Variants in FLVCR2 observed in about 807,000 individuals in gnomAD.
FLVCR2 encodes the protein FLVCR choline and putative heme transporter 2, also known as choline/ethanolamine transporter FLVCR2.
In FLVCR2, 38 loss-of-function variants were observed where a neutral mutation model predicts 48.9. The observed-to-expected ratio is 0.78, with a 90% CI of 0.60 to 1.02. The LOEUF is 1.02. Ranked by LOEUF, FLVCR2 falls within the 50% of genes least tolerant of loss-of-function variation. The pLI, the probability that FLVCR2 is intolerant of heterozygous loss-of-function variation, is 0.00. For synonymous variants in FLVCR2, 255 were observed against 257.0 expected, an observed-to-expected ratio of 0.99 and a Z score of 0.07; for missense variants, 664 against 663.3, an observed-to-expected ratio of 1.00 and a Z score of -0.01.
At chr14:75,616,830 T>A (rs1299342465) in intron 1 of FLVCR2, among the ~76,000 whole-genome samples, 1 of 152,210 alleles carries the variant, frequency 6.6e-6, no homozygotes, top group East Asian at 1.9e-4. Flanking sequence ...ATAAGCTGCC[T>A]GGGACCCAGC....
In FLVCR2 at chr14:75,626,892, T is replaced by C. The variant is rs558237565; in HGVS notation, c.952+2140T>C. The stretch of plus-strand genomic sequence containing the variant: ...AGGATATTTGAGGCCTACCTGGGAT[T>C]CTAGGGCAGATGAGTGCTTCATAAA... On this transcript the variant is annotated intron_variant, in intron 3 of 9. Transcript: ENST00000238667. 2.0e-5 allele frequency among the ~76,000 whole-genome samples: 3 copies of C among 152,050 alleles called. No homozygotes were observed. In the East Asian group the frequency reaches 5.8e-4, roughly 29 times the overall value.
intron 1 of FLVCR2, chr14:75,605,507 C>T: frequency 6.5e-7 from 1 of 1,527,808 alleles, no homozygotes; most frequent in Non-Finnish European, 8.8e-7. Context: ...CTTTTTCATG[C>T]TGTGCAAAAA....
chr14:75,619,102 T>C (rs946047536), intron 1 of FLVCR2, among the ~76,000 whole-genome samples: 5 of 152,068 alleles, frequency 3.3e-5, no homozygotes, highest in African/African-American at 1.2e-4. Context: ...TGGGCACCTG[T>C]AATCCCAGCT....
chr14:75,640,884 A>C, intron 6 of FLVCR2, 71 bp from the exon 7 acceptor site: 1 of 1,022,058 alleles, frequency 9.8e-7, no homozygotes, highest in Non-Finnish European at 1.6e-6. Flanking sequence ...GTCCTAGGGG[A>C]GGAGGTGGGC....
chr14:75,635,081 G>A lies in FLVCR2; in HGVS notation c.1124+68G>A, dbSNP rs936510865. On this transcript the variant is annotated intron_variant, in intron 5 of 9. Coordinates refer to ENST00000238667, the MANE Select transcript of FLVCR2 (RefSeq NM_017791.3). ...TTTTGAAATGACATATTCATAAGCA[G>A]TGTGACTCCAAGTCATTGTTTGGAG... 1.7e-5 allele frequency: 17 copies of A among 1,028,118 alleles called. No individual in the cohort carries two copies. In the African/African-American group the frequency reaches 2.2e-4, roughly 13 times the overall value. 63.7% of individuals were successfully genotyped at this position (1,028,118 alleles called of 1,614,324 possible).
intron 5 of FLVCR2, among the ~76,000 whole-genome samples, chr14:75,635,342 G>A (rs545498014): frequency 1.2e-4 from 18 of 152,230 alleles, no homozygotes; most frequent in South Asian, 2.1e-4. Context: ...AAATCTCAGC[G>A]GTGGAAAATT....
chr14:75,596,188 T>C (rs1415833977), intron 1 of FLVCR2: 3 of 730,244 alleles, frequency 4.1e-6, no homozygotes, highest in Non-Finnish European at 7.5e-6. Context: ...CTAGTGTGGA[T>C]AGTTACTGTG....
In FLVCR2 at chr14:75,592,383, T is replaced by C. The variant is rs539734004; in HGVS notation, c.669+12742T>C. On this transcript the variant is annotated intron_variant, in intron 1 of 9. Transcript: ENST00000238667. ...GTGGTATCCCACCATTCTGTCCTCC[T>C]AGGCCTCTGGGTCTGTGACAGGAGG... Among the ~76,000 whole-genome samples the C allele has an allele frequency of 2.6e-5, 4 of 152,242 alleles. No individual in the cohort carries two copies. In the East Asian group the frequency reaches 7.8e-4, roughly 30 times the overall value.
chr14:75,633,533 G>T, intron 3 of FLVCR2, 96 bp from the exon 4 acceptor site: 1 of 949,542 alleles, frequency 1.1e-6, no homozygotes, highest in Non-Finnish European at 1.7e-6. Flanking sequence ...AGTGAGATGA[G>T]GATTTCTGCC....
rs115075245 is a variant in FLVCR2, at chr14:75,603,190, C to T, written c.670-18889C>T. ...GTGGGGTCCCTGGCGAGGGCCCCACCCTCAAGCCTGAAACCGCAGCCCAAA... is the reference window on the plus strand; with the variant it reads ...GTGGGGTCCCTGGCGAGGGCCCCACTCTCAAGCCTGAAACCGCAGCCCAAA... On this transcript the variant is annotated intron_variant, in intron 1 of 9. Transcript: ENST00000238667. 6.6e-3 allele frequency among the ~76,000 whole-genome samples: 1,005 copies of T among 152,248 alleles called. 9 individuals are homozygous for T. Among genetic ancestry groups the T allele is most frequent in the African/African-American group, 0.021 (884 of 41,528 alleles).
At chr14:75,601,185 AT>A (rs1319204205) in intron 1 of FLVCR2, among the ~76,000 whole-genome samples, 1 of 152,288 alleles carries the variant, frequency 6.6e-6, no homozygotes, top group Admixed American at 6.5e-5. Context: ...GGCTGAATTA[AT>A]TGCAGCAGGA....
At chr14:75,610,034 G>A (rs559939088) in intron 1 of FLVCR2, among the ~76,000 whole-genome samples, 85 of 152,258 alleles carry the variant, frequency 5.6e-4, no homozygotes, top group South Asian at 1.2e-3. Context: ...TTTGCACATC[G>A]CCTACTTCAA....
chr14:75,642,946 C>G (rs1291285239), intron 9 of FLVCR2, among the ~76,000 whole-genome samples: 1 of 152,226 alleles, frequency 6.6e-6, no homozygotes, highest in Non-Finnish European at 1.5e-5. Context: ...ACTGCAGCCT[C>G]TGCCTCCCGG....
At chr14:75,600,068 G>A (rs957466293) in intron 1 of FLVCR2, among the ~76,000 whole-genome samples, 2 of 152,122 alleles carry the variant, frequency 1.3e-5, no homozygotes, top group Non-Finnish European at 1.5e-5. Flanking sequence ...GGTACAGGTC[G>A]CAAAGACCTT....
intron 1 of FLVCR2, among the ~76,000 whole-genome samples, chr14:75,615,819 A>G (rs1471961745): frequency 6.7e-6 from 1 of 149,468 alleles, no homozygotes. Flanking sequence ...GGAGATTGAG[A>G]CCATCCTGGC....
chr14:75,646,783 C>T lies in FLVCR2; in HGVS notation c.*311C>T, dbSNP rs1480162974. The T allele has an allele frequency of 7.5e-6, 3 of 401,620 alleles. No homozygotes were observed. The highest frequency in any genetic ancestry group is 1.4e-5 in the Non-Finnish European group (3 of 210,960). The allele number at this position is 401,620 out of a possible 1,614,324, so 24.9% of individuals were successfully genotyped here. ...ATCCTAGCTTGGTCTCTTGCCTTCC[C>T]TCTTTTCCTCCATCCATCGTGGACA... On this transcript the variant is annotated 3_prime_UTR_variant, in exon 10 of 10. Coordinates refer to ENST00000238667, the MANE Select transcript of FLVCR2 (RefSeq NM_017791.3).
intron 4 of FLVCR2, 41 bp downstream of exon 4, chr14:75,633,737 T>C (rs1192730472): frequency 1.3e-6 from 2 of 1,494,312 alleles, no homozygotes; most frequent in Non-Finnish European, 1.9e-6. Context: ...CAAGATGATA[T>C]AGTTTCTAAG....
At chr14:75,631,210 C>T (rs141785793) in intron 3 of FLVCR2, among the ~76,000 whole-genome samples, 1 of 152,188 alleles carries the variant, frequency 6.6e-6, no homozygotes, top group Non-Finnish European at 1.5e-5. Context: ...CCTTTAGCCC[C>T]GCTTCAGTCT....
chr14:75,617,954 A>G (rs1251290390), intron 1 of FLVCR2, among the ~76,000 whole-genome samples: 1 of 152,196 alleles, frequency 6.6e-6, no homozygotes, highest in Non-Finnish European at 1.5e-5. Context: ...GTCCAGGTAG[A>G]GGAGCTGGTG....
Sources: allele counts gnomAD v4.1 joint callset (sites outside exome capture counted in the v4.1 genomes callset), GRCh38; gene constraint gnomAD v4.1.1; transcripts MANE v1.5; gene names NCBI Gene and HGNC (gene_info 2026-07-23, HGNC 2026-07-21).